The following PTPRT variants were observed in gnomAD, a reference collection of about 807,000 sequenced individuals.
The protein encoded by PTPRT is protein tyrosine phosphatase receptor type T.
PTPRT carries 56 observed loss-of-function variants against 176.8 expected under a neutral mutation model. That is an observed-to-expected ratio of 0.32 (90% CI 0.26 to 0.40). The LOEUF is 0.40. Ranked by LOEUF, PTPRT falls within the 10% of genes least tolerant of loss-of-function variation. PTPRT has a pLI of 1.00. For synonymous variants in PTPRT, 783 were observed against 739.0 expected, an observed-to-expected ratio of 1.06 and a Z score of -0.96; for missense variants, 1,540 against 1,908.2, an observed-to-expected ratio of 0.81 and a Z score of 3.60.
intron 26 of PTPRT, among the ~76,000 whole-genome samples, chr20:42,099,677 T>C (rs920301970): frequency 2.0e-5 from 3 of 152,050 alleles, no homozygotes; most frequent in African/African-American, 7.2e-5. Flanking sequence ...GTGCTTGATA[T>C]GTTTTCTCAA....
chr20:42,736,219 C>T (rs564131307), intron 6 of PTPRT, among the ~76,000 whole-genome samples: 1 of 152,230 alleles, frequency 6.6e-6, no homozygotes, highest in East Asian at 1.9e-4. Flanking sequence ...AGGGAAAATA[C>T]ATGGGCTGAA....
chr20:42,274,579 G>GTGTGTA (rs2056995660), intron 13 of PTPRT, among the ~76,000 whole-genome samples: 2 of 129,286 alleles, frequency 1.5e-5, no homozygotes, highest in Admixed American at 7.9e-5. Flanking sequence ...GTGTGTGTGT[G>GTGTGTA]TGTGTGTGTG....
Position 42,318,424 on chromosome 20 carries a change from C to T in PTPRT, c.1866-2428G>A, listed in dbSNP as rs1483507845. 2.6e-5 allele frequency among the ~76,000 whole-genome samples: 4 copies of T among 152,172 alleles called. No homozygotes were observed. In the East Asian group the frequency reaches 7.7e-4, roughly 29 times the overall value. The stretch of plus-strand genomic sequence containing the variant: ...TATTCAGGTAAATCTTTGAATCTGG[C>T]TTGAATGCTAATAGTAGCTCGACCA... On this transcript the variant is annotated intron_variant, in intron 11 of 30. Transcript: ENST00000373187.
intron 1 of PTPRT, among the ~76,000 whole-genome samples, chr20:42,925,914 G>A (rs2145962447): frequency 6.6e-6 from 1 of 152,308 alleles, no homozygotes; most frequent in South Asian, 2.1e-4. Flanking sequence ...CAGTCCCTTT[G>A]CAGATTTCCG....
chr20:43,134,035 G>A (rs1352511839), intron 1 of PTPRT, among the ~76,000 whole-genome samples: 1 of 152,170 alleles, frequency 6.6e-6, no homozygotes, highest in Non-Finnish European at 1.5e-5. Context: ...TGAACTTACG[G>A]ATCAGTCTGA....
intron 1 of PTPRT, among the ~76,000 whole-genome samples, chr20:42,943,419 G>A (rs190040330): frequency 6.1e-4 from 93 of 152,260 alleles, no homozygotes; most frequent in Middle Eastern, 3.4e-3. Flanking sequence ...AAAGTTGAGC[G>A]GGTGCAGGGA....
chr20:42,056,884 T>C, the PTPRT span, among the ~76,000 whole-genome samples: 1 of 152,204 alleles, frequency 6.6e-6, no homozygotes, highest in Non-Finnish European at 1.5e-5. Context: ...GGAGGAGGTC[T>C]CTTTGGACTT....
intron 7 of PTPRT, among the ~76,000 whole-genome samples, chr20:42,650,489 G>A (rs957690501): frequency 2.0e-5 from 3 of 152,154 alleles, no homozygotes; most frequent in Non-Finnish European, 2.9e-5. Flanking sequence ...TCAATCAGCT[G>A]CAGTAGAGGG....
At chr20:43,168,548 T>C (rs1237540324) in intron 1 of PTPRT, among the ~76,000 whole-genome samples, 1 of 152,226 alleles carries the variant, frequency 6.6e-6, no homozygotes, top group Non-Finnish European at 1.5e-5. Flanking sequence ...GAATCTCTCA[T>C]GGAAAATAAA....
At chr20:42,184,535 C>CTTCTTCT (rs1568652084) in intron 16 of PTPRT, among the ~76,000 whole-genome samples, 2,071 of 36,622 alleles carry the variant, frequency 0.057, 106 homozygotes, top group Middle Eastern at 0.071. Flanking sequence ...CTTCTTCTTC[C>CTTCTTCT]TCTTCCTCTT....
chr20:42,569,825 T>G (rs2145683235), intron 7 of PTPRT, among the ~76,000 whole-genome samples: 1 of 152,308 alleles, frequency 6.6e-6, no homozygotes, highest in African/African-American at 2.4e-5. Flanking sequence ...TTATCATCAT[T>G]TAGCCACATT....
In PTPRT at chr20:43,159,584, G is replaced by A. The variant is rs113489943; in HGVS notation, c.88+30062C>T. Among the ~76,000 whole-genome samples the A allele has an allele frequency of 4.6e-3, 702 of 152,194 alleles. 7 individuals carry two copies. The highest frequency in any genetic ancestry group is 0.014 in the Middle Eastern group (4 of 294). ...TCTCCCTTTCTCTTCTCCTCATTAC[G>A]CCCTTTCCACATGAAGGGAAAACTT... On this transcript the variant is annotated intron_variant, in intron 1 of 30. Coordinates refer to ENST00000373187, the MANE Select transcript of PTPRT (RefSeq NM_007050.6).
At chr20:42,715,943 T>C (rs945261281) in intron 6 of PTPRT, among the ~76,000 whole-genome samples, 7 of 152,202 alleles carry the variant, frequency 4.6e-5, no homozygotes, top group Non-Finnish European at 1.0e-4. Flanking sequence ...TCCAGAGATA[T>C]ATGGGAACTT....
intron 1 of PTPRT, among the ~76,000 whole-genome samples, chr20:42,941,018 G>A (rs1017042109): frequency 3.3e-5 from 5 of 151,792 alleles, no homozygotes; most frequent in African/African-American, 1.2e-4. Flanking sequence ...GGAGACGGGG[G>A]TTGCAGTGAG....
intron 1 of PTPRT, among the ~76,000 whole-genome samples, chr20:43,013,672 A>G (rs1193853287): frequency 6.6e-6 from 1 of 152,164 alleles, no homozygotes; most frequent in African/African-American, 2.4e-5. Flanking sequence ...TGAAGAAGAA[A>G]AGGGAGAACT....
intron 1 of PTPRT, among the ~76,000 whole-genome samples, chr20:42,946,160 G>C (rs1980870952): frequency 6.6e-6 from 1 of 152,120 alleles, no homozygotes; most frequent in Admixed American, 6.6e-5. Flanking sequence ...AACCTCCTCA[G>C]ACCCACTAAG....
At chr20:42,921,714 A>G (rs1002996036) in intron 1 of PTPRT, among the ~76,000 whole-genome samples, 1 of 152,228 alleles carries the variant, frequency 6.6e-6, no homozygotes, top group African/African-American at 2.4e-5. Context: ...CTATAGCGGC[A>G]GCATCCGATC....
chr20:42,379,876 G>A (rs916185965), intron 9 of PTPRT, among the ~76,000 whole-genome samples: 2 of 152,300 alleles, frequency 1.3e-5, no homozygotes, highest in African/African-American at 4.8e-5. Context: ...AAGCTGATTG[G>A]AAAGTGATTA....
chr20:42,323,171 T>A (rs1271604130), intron 11 of PTPRT, among the ~76,000 whole-genome samples: 21 of 152,286 alleles, frequency 1.4e-4, no homozygotes, highest in Admixed American at 5.2e-4. Flanking sequence ...GGGACTGTAA[T>A]CCAGTTCAAC....
Sources: gnomAD v4.1 joint callset for allele counts (sites outside exome capture counted in the v4.1 genomes callset) on GRCh38, gnomAD v4.1.1 for gene constraint, MANE v1.5 for transcripts, NCBI Gene and HGNC (gene_info 2026-07-23, HGNC 2026-07-21) for gene names.